Variants in LTBP4 observed in about 807,000 individuals in gnomAD.
LTBP4 encodes latent-transforming growth factor beta-binding protein 4.
Under a neutral mutation model 180.2 loss-of-function variants are expected in LTBP4, and 93 were observed. The ratio of observed to expected loss-of-function variants is 0.52; its 90% CI spans 0.44 to 0.61. The LOEUF (loss-of-function observed/expected upper bound fraction) is 0.61, where lower values mean the gene tolerates loss of function less well. LTBP4 is among the 20% of genes least tolerant of loss of function. The probability of loss-of-function intolerance (pLI) is 0.00; values close to 1 mark genes in which losing one functional copy is unlikely to be tolerated. For missense variants in LTBP4, 2,116 were observed against 2,256.5 expected, an observed-to-expected ratio of 0.94 and a Z score of 1.26; for synonymous variants, 947 against 934.5, an observed-to-expected ratio of 1.01 and a Z score of -0.24.
At chr19:40,610,853 G>A (rs772997670) in intron 12 of LTBP4, 196 bp downstream of exon 12, 13 of 858,652 alleles carry the variant, frequency 1.5e-5, no homozygotes, top group Non-Finnish European at 2.3e-5. Flanking sequence ...GAAACAGAAA[G>A]GCTGAGTCAT....
At position 40,613,282 on chromosome 19, in the gene LTBP4, C is replaced by G. The variant is rs1211806319; in HGVS notation, c.2431+86C>G. 7 of 1,542,386 alleles carry G rather than the reference C, an allele frequency of 4.5e-6. No homozygotes were observed. Among genetic ancestry groups the G allele is most frequent in the Non-Finnish European group, 6.1e-6 (7 of 1,140,902 alleles). The stretch of plus-strand genomic sequence containing the variant: ...CCGGCTGGAAAGGTGGAGGCGGGAC[C>G]AAGGCGCTGTGGGAGGAGCTTAGAA... On this transcript the variant is annotated intron_variant, in intron 16 of 29. Coordinates refer to ENST00000396819, the MANE Select transcript of LTBP4 (RefSeq NM_001042545.2). This position sits in a 1 kb window ranked among gnomAD's most constrained non-coding sequence, Gnocchi z 5.0.
At chr19:40,607,907 T>C (rs774232104) in intron 7 of LTBP4, among the ~76,000 whole-genome samples, 1 of 152,182 alleles carries the variant, frequency 6.6e-6, no homozygotes, top group Non-Finnish European at 1.5e-5. Flanking sequence ...TGGCATTCTA[T>C]CTTCTGCTTA....
intron 19 of LTBP4, among the ~76,000 whole-genome samples, chr19:40,616,309 AGCTGGATGGGGTGGCTCATG>A (rs2081548724): frequency 1.3e-5 from 2 of 149,466 alleles, no homozygotes; most frequent in African/African-American, 5.0e-5. Flanking sequence ...AAGAAAAAAA[AGCTGGATGGGGTGGCTCATG>A]CCTATAATCC....
rs1200417876 is a variant in LTBP4, at chr19:40,629,427, C to T, written c.4551C>T (p.Ala1517=). ...ACGAGTGTGATGAGGCCGAGGCTGC[C>T]TCCCCGCTGTGCGTCAACGCGCGTT... ...DINECDEAEA[A]SPLCVNARCL... is the part of the protein sequence containing the mutation. Residue 1517 remains alanine, a synonymous_variant, in exon 30 of 30, where the codon GCC becomes GCT. Coordinates refer to ENST00000396819, the MANE Select transcript of LTBP4 (RefSeq NM_001042545.2). This position sits in a 1 kb window ranked among gnomAD's most constrained non-coding sequence, Gnocchi z 4.5. 3 of 1,612,738 alleles carry T rather than the reference C, an allele frequency of 1.9e-6. No individual in the cohort carries two copies. The highest frequency in any genetic ancestry group is 1.3e-5 in the African/African-American group (1 of 74,948).
chr19:40,600,509 G>T (rs1289735859), upstream of LTBP4, among the ~76,000 whole-genome samples: 2 of 152,224 alleles, frequency 1.3e-5, no homozygotes, highest in East Asian at 3.9e-4. The surrounding 1 kb of genome is among the most constrained non-coding windows in gnomAD (Gnocchi z 4.4). Context: ...GCGGGTTGGC[G>T]CCTGCCTGGG....
upstream of LTBP4, chr19:40,599,328 C>T (rs1436803890): frequency 2.5e-5 from 40 of 1,610,594 alleles, no homozygotes; most frequent in Non-Finnish European, 8.5e-7. Flanking sequence ...AGCTCCCCAT[C>T]CCTCCCCTCA....
At position 40,623,950 on chromosome 19, in the gene LTBP4, GC is replaced by G; in HGVS notation, c.3702del (p.Asp1235MetfsTer127). 1 of 1,613,920 alleles carries G rather than the reference GC, an allele frequency of 6.2e-7. No homozygotes were observed. The stretch of plus-strand genomic sequence containing the variant: ...CCTCTCCCTAGACAATGACGAGTGC[GC>G]CGATGAGGAACCGGCCTGTGAGGGC... Reference protein sequence around the residue: ...RLECIDNDECADEEPACEGGR... With the variant: ...RLECIDNDECXDEEPACEGGR... On this transcript the variant is annotated frameshift_variant, in exon 26 of 30. Coordinates refer to ENST00000396819, the MANE Select transcript of LTBP4 (RefSeq NM_001042545.2). LOFTEE classifies it high-confidence loss of function.
chr19:40,628,035 G>A (rs934100189), intron 29 of LTBP4, among the ~76,000 whole-genome samples, 178 bp downstream of exon 29: 6 of 152,236 alleles, frequency 3.9e-5, no homozygotes, highest in Admixed American at 1.3e-4. Context: ...TGAAGAAGGC[G>A]GAGTCAGGGT....
chr19:40,623,799 TG>T, intron 25 of LTBP4, 67 bp downstream of exon 25: 1 of 1,602,992 alleles, frequency 6.2e-7, no homozygotes, highest in Non-Finnish European at 8.5e-7. Context: ...AGCTCCCCTC[TG>T]GAATGTGGCC....
chr19:40,598,373 AC>A (rs980192560), upstream of LTBP4, among the ~76,000 whole-genome samples: 5 of 68,000 alleles, frequency 7.4e-5, no homozygotes, highest in African/African-American at 1.7e-4. Flanking sequence ...CCCTCTCTGC[AC>A]CCCCCCACTG....
chr19:40,619,733 A>G (rs1305717243), intron 22 of LTBP4, among the ~76,000 whole-genome samples: 1 of 152,212 alleles, frequency 6.6e-6, no homozygotes, highest in Non-Finnish European at 1.5e-5. Flanking sequence ...TGTTCAGGCC[A>G]TCTTCTGGGC....
rs2081660623 is a variant in LTBP4 at position 40,629,410 on chromosome 19, G to A, written c.4534G>A (p.Asp1512Asn). 1.2e-6 allele frequency: 2 copies of A among 1,612,980 alleles called. No homozygotes were observed. The highest frequency in any genetic ancestry group is 1.7e-6 in the Non-Finnish European group (2 of 1,179,626). Residue 1512 changes from aspartate to asparagine, a missense_variant, in exon 30 of 30, where the codon GAT (aspartate) becomes AAT (asparagine). Asp to Asn is a conservative substitution (Grantham distance 23). Transcript: ENST00000396819. The surrounding 1 kb of genome is among the most constrained non-coding windows in gnomAD (Gnocchi z 4.5). Reference protein sequence around the residue: ...RMACVDINECDEAEAASPLCV... With the variant: ...RMACVDINECNEAEAASPLCV... ...CCCCTCCGCAGACATCAACGAGTGT[G>A]ATGAGGCCGAGGCTGCCTCCCCGCT...
At position 40,623,659 on chromosome 19, in the gene LTBP4, G is replaced by A; in HGVS notation, c.3612G>A (p.Val1204=). Residue 1204 remains valine, a synonymous_variant, in exon 25 of 30, where the codon GTG becomes GTA. Coordinates refer to ENST00000396819, the MANE Select transcript of LTBP4 (RefSeq NM_001042545.2). ...AGGTGTGCAAGAGTGGCGTGTGTGT[G>A]AACACGGCCCCGGGCTACTCATGCT... ...RDQVCKSGVC[V]NTAPGYSCYC... is the part of the protein sequence containing the mutation. 6 of 1,613,798 alleles carry A rather than the reference G, an allele frequency of 3.7e-6. No homozygotes were observed. Among genetic ancestry groups the A allele is most frequent in the Non-Finnish European group, 4.2e-6 (5 of 1,179,874 alleles).
In LTBP4 at chr19:40,622,247, G is replaced by T; in HGVS notation, c.3218-154G>T. 1 of 763,500 alleles carries T rather than the reference G, an allele frequency of 1.3e-6. No homozygotes were observed. The allele number at this position is 763,500 out of a possible 1,614,324, so 47.3% of individuals were successfully genotyped here. On this transcript the variant is annotated intron_variant, in intron 22 of 29. Transcript: ENST00000396819. This position sits in a 1 kb window ranked among gnomAD's most constrained non-coding sequence, Gnocchi z 5.1. ...TGACAGTGGGAGAAAGAGAAACAGT[G>T]ACAGAGGAGCGTGAGAGGTGTGGAG...
At chr19:40,602,183 G>GTGTGTGT (rs1568401445) in intron 1 of LTBP4, among the ~76,000 whole-genome samples, 9 of 143,106 alleles carry the variant, frequency 6.3e-5, no homozygotes, top group South Asian at 2.2e-4. Context: ...GTGTGTGTGT[G>GTGTGTGT]GCGGCGGGGG....
intron 1 of LTBP4, among the ~76,000 whole-genome samples, chr19:40,602,734 C>T (rs889089631): frequency 3.3e-5 from 5 of 152,190 alleles, no homozygotes. Flanking sequence ...CAACTCCCCG[C>T]TTGGCCAGGG....
rs2081622211 is a variant in LTBP4 at position 40,625,291 on chromosome 19, TATATATATA to T, written c.3833-565_3833-557del. ...ATATATATATATATATATATATATA[TATATATATA>T]TATATATATATATATATTTTTTTTT... On this transcript the variant is annotated intron_variant, in intron 26 of 29. Transcript: ENST00000396819. Among the ~76,000 whole-genome samples the T allele has an allele frequency of 7.9e-4, 9 of 11,428 alleles. 1 individual carries two copies. The highest frequency in any genetic ancestry group is 1.0e-3 in the African/African-American group (1 of 954). 7.5% of individuals were successfully genotyped at this position (11,428 alleles called of 152,430 possible).
intron 4 of LTBP4, 118 bp from the exon 5 acceptor site, chr19:40,606,115 C>A: frequency 4.1e-6 from 4 of 980,396 alleles, no homozygotes; most frequent in East Asian, 5.2e-5. Context: ...CTAAGGCTGT[C>A]CCTGCACTTA....
Position 40,611,318 on chromosome 19 carries a change from T to A in LTBP4, c.1977T>A (p.Cys659Ter). 6.2e-7 allele frequency: 1 copy of A among 1,612,252 alleles called. No individual in the cohort carries two copies. Among genetic ancestry groups the A allele is most frequent in the Non-Finnish European group, 8.5e-7 (1 of 1,179,596 alleles). ...QEPPPCGPGR[C>*]DNTAGSFHCA... ...CGCCGCCCTGTGGGCCCGGCCGCTGTGACAACACGGCAGGCTCCTTTCACT... is the reference window on the plus strand; with the variant it reads ...CGCCGCCCTGTGGGCCCGGCCGCTGAGACAACACGGCAGGCTCCTTTCACT... Residue 659 changes from cysteine (C) to a stop codon, truncating the protein, a stop_gained, in exon 13 of 30, where the codon TGT (cysteine) becomes TGA (stop). Transcript: ENST00000396819. LOFTEE classifies it high-confidence loss of function. This position sits in a 1 kb window ranked among gnomAD's most constrained non-coding sequence, Gnocchi z 4.4.
Sources: gnomAD v4.1 joint callset for allele counts (sites outside exome capture counted in the v4.1 genomes callset) on GRCh38, gnomAD v4.1.1 for gene constraint, Gnocchi (gnomAD v3.1) non-coding constraint, MANE v1.5 for transcripts, NCBI Gene and HGNC (gene_info 2026-07-23, HGNC 2026-07-21) for gene names.